TIGIT: variants seen among roughly 807,000 people sequenced by gnomAD.
TIGIT encodes T-cell immunoreceptor with Ig and ITIM domains.
Under a neutral mutation model 19.6 loss-of-function variants are expected in TIGIT, and 11 were observed. That is an observed-to-expected ratio of 0.56 (90% CI 0.35 to 0.93). TIGIT has a LOEUF of 0.93. Ranked by LOEUF, TIGIT falls within the 40% of genes least tolerant of loss-of-function variation. The probability of loss-of-function intolerance (pLI) is 0.01; values close to 1 mark genes in which losing one functional copy is unlikely to be tolerated. For synonymous variants in TIGIT, 130 were observed against 125.5 expected, an observed-to-expected ratio of 1.04 and a Z score of -0.24; for missense variants, 295 against 303.9, an observed-to-expected ratio of 0.97 and a Z score of 0.22.
At chr3:114,298,615 G>A (rs2078470207) in intron 2 of TIGIT, among the ~76,000 whole-genome samples, 1 of 152,220 alleles carries the variant, frequency 6.6e-6, no homozygotes, top group South Asian at 2.1e-4. Flanking sequence ...GTATGGCTAT[G>A]GCTAACCAGA....
intron 2 of TIGIT, among the ~76,000 whole-genome samples, chr3:114,299,282 T>C (rs986627106): frequency 2.6e-5 from 4 of 152,284 alleles, no homozygotes; most frequent in Non-Finnish European, 5.9e-5. Flanking sequence ...TGAGTTTTTT[T>C]CTGGAACTAC....
intron 2 of TIGIT, among the ~76,000 whole-genome samples, chr3:114,297,529 C>T (rs1218716682): frequency 6.6e-6 from 1 of 152,134 alleles, no homozygotes; most frequent in Non-Finnish European, 1.5e-5. Context: ...GTGTCATATG[C>T]CAGAGGACCC....
intron 3 of TIGIT, among the ~76,000 whole-genome samples, chr3:114,305,747 G>T (rs1046471785): frequency 6.6e-6 from 1 of 151,676 alleles, no homozygotes; most frequent in African/African-American, 2.4e-5. Flanking sequence ...ATTAGTTATG[G>T]GTCTCCGGAG....
intron 3 of TIGIT, 111 bp downstream of exon 3, chr3:114,299,814 T>G: frequency 1.5e-6 from 1 of 665,564 alleles, no homozygotes; most frequent in South Asian, 1.8e-5. Context: ...TCTTCCCGAG[T>G]GCTCTTTGTG....
In TIGIT at chr3:114,296,996, GC is replaced by G. The variant is rs577533295; in HGVS notation, c.391+1123del. On this transcript the variant is annotated intron_variant, in intron 2 of 3. Coordinates refer to ENST00000383671, the MANE Select transcript of TIGIT (RefSeq NM_173799.4). ...TGCAACTTCCGCCTCCTGAGTTCAA[GC>G]GATTCTCTCCTGCCTCAGCCTCCTG... Among the ~76,000 whole-genome samples the G allele has an allele frequency of 5.1e-3, 771 of 150,118 alleles. 7 individuals are homozygous for G. Among genetic ancestry groups the G allele is most frequent in the African/African-American group, 0.018 (730 of 40,812 alleles).
chr3:114,304,345 C>A (rs767150917), intron 3 of TIGIT, among the ~76,000 whole-genome samples: 5 of 152,168 alleles, frequency 3.3e-5, no homozygotes, highest in African/African-American at 1.2e-4. Context: ...ATTTGACCCA[C>A]AAAACTCAGT....
chr3:114,296,228 A>C (rs931008576), intron 2 of TIGIT, among the ~76,000 whole-genome samples: 3 of 152,266 alleles, frequency 2.0e-5, no homozygotes, highest in Non-Finnish European at 4.4e-5. Context: ...ATAATTGTGC[A>C]AATTAGAATT....
At chr3:114,304,765 A>G (rs1180858508) in intron 3 of TIGIT, among the ~76,000 whole-genome samples, 2 of 152,168 alleles carry the variant, frequency 1.3e-5, no homozygotes, top group Non-Finnish European at 2.9e-5. Flanking sequence ...CTTTTCCATC[A>G]AGGGGAAGTG....
intron 1 of TIGIT, chr3:114,294,877 A>G (rs1163824347): frequency 6.6e-6 from 1 of 152,632 alleles, no homozygotes; most frequent in Middle Eastern, 3.4e-3. Context: ...TAATGCATCC[A>G]GCATAGAACT....
chr3:114,295,697 G>T lies in TIGIT; in HGVS notation c.214G>T (p.Asp72Tyr). ...CCAGCTTCTGGCCATTTGTAATGCT[G>T]ACTTGGGGTGGCACATCTCCCCATC... ...QDQLLAICNADLGWHISPSFK... is the reference protein window; with the variant it reads ...QDQLLAICNAYLGWHISPSFK... The change falls in exon 2 of 4, where the codon GAC (aspartate) becomes TAC (tyrosine). Residue 72 changes from aspartate to tyrosine, a missense_variant. Physicochemically the swap from Asp to Tyr is radical, Grantham distance 160. Transcript: ENST00000383671. 1 of 1,614,242 alleles carries T rather than the reference G, an allele frequency of 6.2e-7. No homozygotes were observed. Among genetic ancestry groups the T allele is most frequent in the Non-Finnish European group, 8.5e-7 (1 of 1,180,040 alleles).
At chr3:114,298,985 G>A (rs2078472407) in intron 2 of TIGIT, among the ~76,000 whole-genome samples, 1 of 152,130 alleles carries the variant, frequency 6.6e-6, no homozygotes, top group South Asian at 2.1e-4. Context: ...ATCTCTTAAT[G>A]AAATGCACTA....
At position 114,309,218 on chromosome 3, in the gene TIGIT, A is replaced by C. The variant is rs1350991688; in HGVS notation, c.*1087A>C. 2 of 152,240 alleles carry C rather than the reference A, an allele frequency of 1.3e-5. No individual in the cohort carries two copies. The highest frequency in any genetic ancestry group is 2.9e-5 in the Non-Finnish European group (2 of 68,044). The allele number at this position is 152,240 out of a possible 1,614,324, so 9.4% of individuals were successfully genotyped here. Reference sequence around the variant, plus strand: ...GGGGCTGGGAGTGATAGAGGGTTTAAAAAATAAACACCTTCAAACTAACTT... The same window carrying C: ...GGGGCTGGGAGTGATAGAGGGTTTACAAAATAAACACCTTCAAACTAACTT... On this transcript the variant is annotated 3_prime_UTR_variant, in exon 4 of 4. Coordinates refer to ENST00000383671, the MANE Select transcript of TIGIT (RefSeq NM_173799.4).
At chr3:114,301,301 G>A (rs1405088) in intron 3 of TIGIT, among the ~76,000 whole-genome samples, 141,318 of 152,294 alleles carry the variant, frequency 0.93, 66,351 homozygotes, top group East Asian at 1. Context: ...TAACAACTCA[G>A]TTCTGCAGCC....
In TIGIT at chr3:114,309,080, C is replaced by T; in HGVS notation, c.*949C>T. Reference sequence around the variant, plus strand: ...GGGAGCCAAGTCGTAGCATTTGGGCCTTGATCTACCTTTTCTGCATCAATA... The same window carrying T: ...GGGAGCCAAGTCGTAGCATTTGGGCTTTGATCTACCTTTTCTGCATCAATA... On this transcript the variant is annotated 3_prime_UTR_variant, in exon 4 of 4. Transcript: ENST00000383671. The T allele has an allele frequency of 6.6e-6, 1 of 152,192 alleles. No individual in the cohort carries two copies. The highest frequency in any genetic ancestry group is 1.9e-4 in the East Asian group (1 of 5,202). 9.4% of individuals were successfully genotyped at this position (152,192 alleles called of 1,614,324 possible).
At chr3:114,295,978 T>C (rs1439456853) in intron 2 of TIGIT, 104 bp downstream of exon 2, 6 of 914,776 alleles carry the variant, frequency 6.6e-6, no homozygotes, top group Non-Finnish European at 9.9e-6. Context: ...GGATCACATT[T>C]GAATCACCTG....
chr3:114,303,507 A>G (rs956545180), intron 3 of TIGIT, among the ~76,000 whole-genome samples: 17 of 6,116 alleles, frequency 2.8e-3, no homozygotes, highest in Admixed American at 4.0e-3. Flanking sequence ...ATATATATGT[A>G]TATATATATA....
chr3:114,294,128 GCCTGAAACC>G lies in TIGIT; in HGVS notation c.61+8_61+16del. The G allele has an allele frequency of 6.4e-7, 1 of 1,550,510 alleles. No homozygotes were observed. The highest frequency in any genetic ancestry group is 1.2e-5 in the South Asian group (1 of 84,178). Reference sequence around the variant, plus strand: ...GCAGGCTCCCCTCGCCTCAGGTAAGGCCTGAAACCCAGCAGAGCAGCAGGGAGGAAAAAC... The same window carrying G: ...GCAGGCTCCCCTCGCCTCAGGTAAGGCAGCAGAGCAGCAGGGAGGAAAAAC... On this transcript the variant is annotated splice_region_variant and intron_variant, in intron 1 of 3. Coordinates refer to ENST00000383671, the MANE Select transcript of TIGIT (RefSeq NM_173799.4).
At chr3:114,301,801 G>T (rs907789873) in intron 3 of TIGIT, among the ~76,000 whole-genome samples, 13 of 152,154 alleles carry the variant, frequency 8.5e-5, no homozygotes, top group African/African-American at 3.1e-4. Flanking sequence ...GGTCCTCTCT[G>T]CATCTTTCCT....
intron 1 of TIGIT, among the ~76,000 whole-genome samples, chr3:114,294,562 A>AT (rs1354858170): frequency 4.6e-5 from 7 of 152,186 alleles, no homozygotes; most frequent in African/African-American, 1.4e-4. Flanking sequence ...CTAGAGACTG[A>AT]TTTTTTGTTA....
Sources: gnomAD v4.1 joint callset for allele counts (sites outside exome capture counted in the v4.1 genomes callset) on GRCh38, gnomAD v4.1.1 for gene constraint, MANE v1.5 for transcripts, NCBI Gene and HGNC (gene_info 2026-07-23, HGNC 2026-07-21) for gene names.